Variants in HTR4 observed in about 807,000 individuals in gnomAD.
HTR4 encodes 5-hydroxytryptamine (serotonin) receptor 4, G protein-coupled.
A neutral mutation model predicts 36.8 loss-of-function variants in HTR4; 16 were observed. That is an observed-to-expected ratio of 0.43 (90% CI 0.29 to 0.66). HTR4 has a LOEUF of 0.66. HTR4 is among the 30% of genes least tolerant of loss of function. The pLI is 0.13. For synonymous variants in HTR4, 189 were observed against 185.1 expected (o/e 1.02, Z -0.17); for missense variants, 438 against 490.9 (o/e 0.89, Z 1.02).
intron 6 of HTR4, among the ~76,000 whole-genome samples, chr5:148,504,989 G>A (rs1367161902): frequency 6.6e-6 from 1 of 152,186 alleles, no homozygotes; most frequent in Non-Finnish European, 1.5e-5. Context: ...TTCTGAAATT[G>A]AGGCAGTAAT....
intron 2 of HTR4, among the ~76,000 whole-genome samples, chr5:148,580,098 A>T (rs921642348): frequency 8.5e-5 from 13 of 152,048 alleles, no homozygotes; most frequent in African/African-American, 2.9e-4. Flanking sequence ...ACAACAAGAC[A>T]TATTGGCTTT....
At chr5:148,507,782 C>T (rs750724764) in intron 6 of HTR4, among the ~76,000 whole-genome samples, 6 of 152,092 alleles carry the variant, frequency 3.9e-5, no homozygotes, top group Non-Finnish European at 8.8e-5. Flanking sequence ...AACTGCTAAA[C>T]AACTGACTTA....
chr5:148,584,759 T>A (rs1761286242), intron 2 of HTR4, among the ~76,000 whole-genome samples: 1 of 152,148 alleles, frequency 6.6e-6, no homozygotes. Flanking sequence ...AGAAGCTGAG[T>A]AAGCATTTGG....
chr5:148,551,794 A>T (rs1055014246), intron 2 of HTR4, among the ~76,000 whole-genome samples: 1 of 152,226 alleles, frequency 6.6e-6, no homozygotes, highest in Non-Finnish European at 1.5e-5. Context: ...AAGAAAGTTT[A>T]TAAATTGGGT....
chr5:148,640,646 T>C (rs1381662306), intron 1 of HTR4, among the ~76,000 whole-genome samples: 2 of 152,210 alleles, frequency 1.3e-5, no homozygotes, highest in East Asian at 1.9e-4. Context: ...AATGTCCTAA[T>C]TACTAGAGCC....
At chr5:148,565,356 C>T (rs114891851) in intron 2 of HTR4, among the ~76,000 whole-genome samples, 5,444 of 151,966 alleles carry the variant, frequency 0.036, 135 homozygotes, top group Middle Eastern at 0.058. Context: ...GCTGTTGAAA[C>T]GACAACTATA....
At chr5:148,636,533 T>G (rs1442602696) in intron 2 of HTR4, among the ~76,000 whole-genome samples, 2 of 152,198 alleles carry the variant, frequency 1.3e-5, no homozygotes, top group Non-Finnish European at 2.9e-5. Context: ...AAAAACCATT[T>G]AGCTTTATGT....
intron 1 of HTR4, among the ~76,000 whole-genome samples, chr5:148,650,665 C>T (rs141908050): frequency 1.1e-4 from 17 of 152,282 alleles, no homozygotes; most frequent in African/African-American, 3.6e-4. Flanking sequence ...GTATAATTCA[C>T]TGTTCCTTCC....
chr5:148,452,588 G>C (rs1190706580), intron 5 of HTR4, among the ~76,000 whole-genome samples: 1 of 152,140 alleles, frequency 6.6e-6, no homozygotes, highest in South Asian at 2.1e-4. Context: ...AACAGTGCCA[G>C]GATTGAGAAA....
chr5:148,615,793 C>T (rs897273863), intron 2 of HTR4, among the ~76,000 whole-genome samples: 3 of 152,124 alleles, frequency 2.0e-5, no homozygotes, highest in South Asian at 2.1e-4. Flanking sequence ...CCTCTTCTTG[C>T]AGACTGCTCA....
intron 2 of HTR4, among the ~76,000 whole-genome samples, chr5:148,576,932 C>T (rs1760945790): frequency 6.6e-6 from 1 of 151,958 alleles, no homozygotes; most frequent in Admixed American, 6.6e-5. Context: ...TGACAAAGAC[C>T]AAAAGCAAAC....
chr5:148,452,165 G>T (rs1236169138), intron 5 of HTR4, among the ~76,000 whole-genome samples: 4 of 152,166 alleles, frequency 2.6e-5, no homozygotes, highest in Non-Finnish European at 5.9e-5. Context: ...TGACAAATTG[G>T]TTTGTACTAA....
chr5:148,574,313 T>C (rs2113886535), intron 2 of HTR4, among the ~76,000 whole-genome samples: 1 of 152,166 alleles, frequency 6.6e-6, no homozygotes, highest in Middle Eastern at 3.4e-3. Context: ...CACCCAAGAC[T>C]GTTAGGCTAA....
At chr5:148,476,729 C>T (rs925479774), downstream of HTR4, 2 of 1,613,506 alleles carry the variant, frequency 1.2e-6, no homozygotes, top group Non-Finnish European at 1.7e-6. Flanking sequence ...GGCCACAGTC[C>T]TCAAGGAGCT....
chr5:148,631,589 G>A (rs1753322479), intron 2 of HTR4, among the ~76,000 whole-genome samples: 1 of 151,994 alleles, frequency 6.6e-6, no homozygotes, highest in Non-Finnish European at 1.5e-5. Context: ...TTTCATTTCA[G>A]GCTTTAGTGA....
intron 4 of HTR4, among the ~76,000 whole-genome samples, chr5:148,545,821 C>A (rs2113840821): frequency 6.6e-6 from 1 of 152,282 alleles, no homozygotes; most frequent in East Asian, 1.9e-4. Flanking sequence ...TCTTGATCTT[C>A]AATGCAATGA....
At chr5:148,589,911 C>T (rs552917478) in intron 2 of HTR4, among the ~76,000 whole-genome samples, 52 of 152,170 alleles carry the variant, frequency 3.4e-4, no homozygotes, top group African/African-American at 1.2e-3. Context: ...TATTATTAAT[C>T]GTAGTCACCA....
rs187478485 is a variant in HTR4, at chr5:148,593,899, G to A, written c.26+43090C>T. On this transcript the variant is annotated intron_variant, in intron 2 of 6. Transcript: ENST00000377888. ...AATTTTCAATGTGTTCAAATTCCCA[G>A]AATATTTTTATATGCTAGAGAAATC... 2.7e-3 allele frequency among the ~76,000 whole-genome samples: 413 copies of A among 152,174 alleles called. 1 individual carries two copies. The highest frequency in any genetic ancestry group is 4.5e-3 in the Non-Finnish European group (307 of 68,008).
intron 2 of HTR4, among the ~76,000 whole-genome samples, chr5:148,620,087 A>G (rs1752858599): frequency 6.6e-6 from 1 of 152,210 alleles, no homozygotes; most frequent in South Asian, 2.1e-4. Context: ...TCCATCCTTG[A>G]GGGCTGGATG....
Sources: gnomAD v4.1 joint callset for allele counts (sites outside exome capture counted in the v4.1 genomes callset) on GRCh38, gnomAD v4.1.1 for gene constraint, MANE v1.5 for transcripts, NCBI Gene and HGNC (gene_info 2026-07-23, HGNC 2026-07-21) for gene names.